The following CNOT8 variants were observed in gnomAD, a reference collection of about 807,000 sequenced individuals.
The protein encoded by CNOT8 is CCR4-NOT transcription complex subunit 8.
Under a neutral mutation model 34.6 loss-of-function variants are expected in CNOT8, and 18 were observed. That is an observed-to-expected ratio of 0.52 (90% CI 0.36 to 0.77). CNOT8 has a LOEUF of 0.77. Ranked by LOEUF, CNOT8 falls within the 30% of genes least tolerant of loss-of-function variation. The pLI is 0.00. For missense variants in CNOT8, 189 were observed against 347.9 expected (o/e 0.54, Z 3.63); for synonymous variants, 101 against 118.8 (o/e 0.85, Z 0.98).
intron 2 of CNOT8, among the ~76,000 whole-genome samples, chr5:154,864,186 C>T (rs1236467292): frequency 6.6e-6 from 1 of 152,148 alleles, no homozygotes; most frequent in Non-Finnish European, 1.5e-5. Flanking sequence ...GTTGGCCGGG[C>T]GCGGTGGCTC....
chr5:154,870,784 G>C lies in CNOT8; in HGVS notation c.435G>C (p.Val145=), dbSNP rs374904720. The C allele has an allele frequency of 1.2e-6, 2 of 1,613,734 alleles. No individual in the cohort carries two copies. Among genetic ancestry groups the C allele is most frequent in the African/African-American group, 2.7e-5 (2 of 74,924 alleles). ...CAGAGCTGCTTATGACATCAGGAGTGGTTCTCTGTGACAATGTCAAATGGC... is the reference window on the plus strand; with the variant it reads ...CAGAGCTGCTTATGACATCAGGAGTCGTTCTCTGTGACAATGTCAAATGGC... The part of the protein sequence containing the change: ...HFAELLMTSG[V]VLCDNVKWLS... The change falls in exon 4 of 7, where the codon GTG becomes GTC. Residue 145 remains valine (V), a synonymous_variant. Coordinates refer to ENST00000285896, the MANE Select transcript of CNOT8 (RefSeq NM_001301073.2).
At chr5:154,861,599 A>G (rs1761345937) in intron 1 of CNOT8, among the ~76,000 whole-genome samples, 1 of 152,164 alleles carries the variant, frequency 6.6e-6, no homozygotes, top group Admixed American at 6.5e-5. Flanking sequence ...GTTTCTAGGA[A>G]ATTTTCTTTA....
At chr5:154,861,576 C>T (rs1311724794) in intron 1 of CNOT8, among the ~76,000 whole-genome samples, 2 of 152,228 alleles carry the variant, frequency 1.3e-5, no homozygotes, top group Admixed American at 1.3e-4. Flanking sequence ...GAACCACTTA[C>T]ATTCGTTTTA....
intron 2 of CNOT8, among the ~76,000 whole-genome samples, chr5:154,864,452 C>T (rs565307412): frequency 1.6e-3 from 233 of 149,402 alleles, no homozygotes; most frequent in Non-Finnish European, 3.2e-3. Flanking sequence ...AGCGAGACTC[C>T]GTCCCAAAAA....
In CNOT8 at chr5:154,875,775, C is replaced by T. The variant is rs118083648; in HGVS notation, c.*336C>T. On this transcript the variant is annotated 3_prime_UTR_variant, in exon 7 of 7. Coordinates refer to ENST00000285896, the MANE Select transcript of CNOT8 (RefSeq NM_001301073.2). ...AAACAAAGTAGTAAAATGTATATAA[C>T]TCTTACCTGTTGTCATTCTTTTTCT... 5.2e-6 allele frequency: 1 copy of T among 191,744 alleles called. No homozygotes were observed. Among genetic ancestry groups the T allele is most frequent in the Admixed American group, 5.5e-5 (1 of 18,160 alleles). The allele number at this position is 191,744 out of a possible 1,614,324, so 11.9% of individuals were successfully genotyped here.
At chr5:154,859,954 C>T (rs1203937602) in intron 1 of CNOT8, 1 of 152,264 alleles carries the variant, frequency 6.6e-6, no homozygotes, top group East Asian at 1.9e-4. Flanking sequence ...TAAGTCAGCC[C>T]GTGAGGCAAA....
At chr5:154,872,786 TG>T (rs1411162717) in intron 6 of CNOT8, 135 bp downstream of exon 6, 1 of 354,198 alleles carries the variant, frequency 2.8e-6, no homozygotes, top group Non-Finnish European at 4.9e-6. Context: ...TTATTTTTTT[TG>T]AGATGAAGCC....
At chr5:154,869,687 C>T (rs1373464686) in intron 3 of CNOT8, among the ~76,000 whole-genome samples, 2 of 149,494 alleles carry the variant, frequency 1.3e-5, no homozygotes, top group African/African-American at 4.9e-5. Flanking sequence ...CGCAGTGGCG[C>T]GAGCTTGGCT....
intron 1 of CNOT8, 137 bp from the exon 2 acceptor site, chr5:154,863,070 T>C: frequency 2.1e-6 from 1 of 467,992 alleles, no homozygotes; most frequent in Non-Finnish European, 3.9e-6. Context: ...TTCTCCATCA[T>C]ATAAAATGGA....
rs754572203 is a variant in CNOT8, at chr5:154,863,374, C to A, written c.96C>A (p.Leu32=). The A allele has an allele frequency of 1.9e-6, 3 of 1,612,516 alleles. No homozygotes were observed. The highest frequency in any genetic ancestry group is 1.1e-5 in the South Asian group (1 of 91,042). ...EEMRKIREIV[L]SYSYIAMDTE... is the part of the protein sequence containing the mutation. The stretch of plus-strand genomic sequence containing the variant: ...TGAGGAAGATCCGAGAAATCGTGCT[C>A]AGTTACAGTTATATTGCCATGGTAA... The change falls in exon 2 of 7, where the codon CTC becomes CTA. Residue 32 remains leucine (L), a synonymous_variant. Coordinates refer to ENST00000285896, the MANE Select transcript of CNOT8 (RefSeq NM_001301073.2).
At chr5:154,871,671 T>C in intron 4 of CNOT8, 59 bp from the exon 5 acceptor site, 1 of 1,547,894 alleles carries the variant, frequency 6.5e-7, no homozygotes, top group Non-Finnish European at 8.8e-7. Context: ...ATAAAATGGT[T>C]GAACACTGGG....
At position 154,875,699 on chromosome 5, in the gene CNOT8, A is replaced by G. The variant is rs140726111; in HGVS notation, c.*260A>G. 1.4e-3 allele frequency: 523 copies of G among 375,002 alleles called. 1 individual carries two copies. Among genetic ancestry groups the G allele is most frequent in the African/African-American group, 9.7e-3 (468 of 48,172 alleles). The allele number at this position is 375,002 out of a possible 1,614,324, so 23.2% of individuals were successfully genotyped here. On this transcript the variant is annotated 3_prime_UTR_variant, in exon 7 of 7. Transcript: ENST00000285896. ...CTCTCCTCTCTGGTTGCCTCCTGCC[A>G]CCAGCATCCATGGCTCATTTGACAC...
intron 3 of CNOT8, among the ~76,000 whole-genome samples, chr5:154,869,807 TAGAG>T (rs1179110461): frequency 3.9e-5 from 6 of 152,058 alleles, no homozygotes; most frequent in African/African-American, 7.2e-5. Context: ...GTGTTTTTAG[TAGAG>T]AGAGGGTTTC....
chr5:154,866,874 C>T (rs1761943592), intron 3 of CNOT8, among the ~76,000 whole-genome samples: 1 of 152,094 alleles, frequency 6.6e-6, no homozygotes, highest in African/African-American at 2.4e-5. Flanking sequence ...GATTGTGCCA[C>T]TGCACTCCAG....
rs764682255 is a variant in CNOT8, at chr5:154,875,893, T to G, written c.*454T>G. 5 of 159,718 alleles carry G rather than the reference T, an allele frequency of 3.1e-5. No homozygotes were observed. The highest frequency in any genetic ancestry group is 5.5e-5 in the Non-Finnish European group (4 of 72,376). 9.9% of individuals were successfully genotyped at this position (159,718 alleles called of 1,614,324 possible). ...TTCCAGGGAAAATGGAACAAAATGG[T>G]GTTCTTAGGTAATGGGTTGTAGATA... On this transcript the variant is annotated 3_prime_UTR_variant, in exon 7 of 7. Coordinates refer to ENST00000285896, the MANE Select transcript of CNOT8 (RefSeq NM_001301073.2).
chr5:154,863,366 A>G lies in CNOT8; in HGVS notation c.88A>G (p.Ile30Val), dbSNP rs1043852940. The G allele has an allele frequency of 3.1e-6, 5 of 1,613,668 alleles. No homozygotes were observed. The African/African-American group carries it at 4.0e-5, about 13-fold the overall frequency. The change falls in exon 2 of 7, where the codon ATC (isoleucine) becomes GTC (valine). Residue 30 changes from isoleucine to valine, a missense_variant. By Grantham distance (29) the Ile-to-Val change is conservative (BLOSUM62 3). Around this residue, in one of 2 missense-constraint regions of CNOT8, gnomAD observed 160 missense variants for 321.9 expected, o/e 0.50. Coordinates refer to ENST00000285896, the MANE Select transcript of CNOT8 (RefSeq NM_001301073.2). ...AGAAGAGATGAGGAAGATCCGAGAA[A>G]TCGTGCTCAGTTACAGTTATATTGC... Reference protein sequence around the residue: ...LEEEMRKIREIVLSYSYIAMD... With the variant: ...LEEEMRKIREVVLSYSYIAMD...
intron 1 of CNOT8, chr5:154,859,926 A>C (rs893795336): frequency 1.3e-5 from 2 of 152,260 alleles, no homozygotes; most frequent in Non-Finnish European, 2.9e-5. Flanking sequence ...TGTGTAGCTC[A>C]TGTGGGAGTC....
rs572492411 is a variant in CNOT8, at chr5:154,872,532, C to T, written c.619-9C>T. ...TGTAATATTATCTTTGTTCTCCATA[C>T]ATCTCCAGGGAGGTCTTCAGGAAGT... On this transcript the variant is annotated splice_polypyrimidine_tract_variant and intron_variant, in intron 5 of 6. Coordinates refer to ENST00000285896, the MANE Select transcript of CNOT8 (RefSeq NM_001301073.2). The T allele has an allele frequency of 1.9e-6, 3 of 1,583,384 alleles. No individual in the cohort carries two copies. Among genetic ancestry groups the T allele is most frequent in the African/African-American group, 2.7e-5 (2 of 74,242 alleles).
At position 154,871,838 on chromosome 5, in the gene CNOT8, T is replaced by C; in HGVS notation, c.582T>C (p.Asp194=). Residue 194 remains aspartate (D), a synonymous_variant, in exon 5 of 7, where the codon GAT becomes GAC. Transcript: ENST00000285896. ...ACCTTTTCTTCCCATCCATTTATGA[T>C]GTGAAATACCTGATGAAGAGCTGCA... is the stretch of plus-strand genomic sequence containing the variant. ...ILNLFFPSIY[D]VKYLMKSCKN... 1 of 1,613,994 alleles carries C rather than the reference T, an allele frequency of 6.2e-7. No individual in the cohort carries two copies. Among genetic ancestry groups the C allele is most frequent in the Non-Finnish European group, 8.5e-7 (1 of 1,179,924 alleles).
Sources: gnomAD v4.1 joint callset for allele counts (sites outside exome capture counted in the v4.1 genomes callset) on GRCh38, gnomAD v4.1.1 for gene constraint, gnomAD v4.1.1 regional missense constraint, MANE v1.5 for transcripts, NCBI Gene and HGNC (gene_info 2026-07-23, HGNC 2026-07-21) for gene names.